Variants in SUPT3H observed in about 807,000 individuals in gnomAD.
SUPT3H encodes SPT3 homolog, SAGA and STAGA complex component, also known as transcription initiation protein SPT3 homolog.
A neutral mutation model predicts 44.3 loss-of-function variants in SUPT3H; 44 were observed. That is an observed-to-expected ratio of 0.99 (90% CI 0.78 to 1.28). The LOEUF (loss-of-function observed/expected upper bound fraction) is 1.28. SUPT3H is among the 50% of genes most tolerant of loss of function. SUPT3H has a pLI of 0.00. For missense variants in SUPT3H, 380 were observed against 387.1 expected (o/e 0.98, Z 0.15); for synonymous variants, 124 against 125.6 (o/e 0.99, Z 0.09).
At chr6:44,968,900 A>G (rs1777157958) in intron 6 of SUPT3H, among the ~76,000 whole-genome samples, 1 of 152,134 alleles carries the variant, frequency 6.6e-6, no homozygotes, top group African/African-American at 2.4e-5. Flanking sequence ...CATTGTTCTC[A>G]CTAAAACCAA....
intron 5 of SUPT3H, among the ~76,000 whole-genome samples, chr6:45,007,173 T>C (rs1782831831): frequency 6.6e-6 from 1 of 152,152 alleles, no homozygotes; most frequent in South Asian, 2.1e-4. Context: ...TATAATGTGA[T>C]TCATTTAATA....
intron 2 of SUPT3H, among the ~76,000 whole-genome samples, chr6:45,131,745 T>C (rs1436972087): frequency 6.6e-6 from 1 of 152,196 alleles, no homozygotes; most frequent in Non-Finnish European, 1.5e-5. Context: ...AAAATAAATA[T>C]TATTCCCAAA....
At chr6:45,093,713 T>C (rs549845674) in intron 3 of SUPT3H, among the ~76,000 whole-genome samples, 7 of 152,270 alleles carry the variant, frequency 4.6e-5, no homozygotes, top group South Asian at 4.1e-4. Flanking sequence ...TTCACAGATA[T>C]GTTTATTCTT....
chr6:45,314,779 A>G (rs1784452744), intron 2 of SUPT3H, among the ~76,000 whole-genome samples: 1 of 152,176 alleles, frequency 6.6e-6, no homozygotes, highest in Non-Finnish European at 1.5e-5. Flanking sequence ...CACAGTTAGA[A>G]AAAACAATTC....
chr6:45,009,191 A>G (rs1031173763), intron 5 of SUPT3H, among the ~76,000 whole-genome samples: 21 of 152,278 alleles, frequency 1.4e-4, no homozygotes, highest in Admixed American at 1.2e-3. Context: ...TATCAGATAT[A>G]TAAGAAAAAT....
chr6:45,290,713 G>A (rs1421686773), intron 2 of SUPT3H, among the ~76,000 whole-genome samples: 2 of 152,106 alleles, frequency 1.3e-5, no homozygotes, highest in African/African-American at 2.4e-5. Flanking sequence ...ATCCAATTCC[G>A]AATTATTTCT....
chr6:44,937,046 C>T (rs1771554907), intron 9 of SUPT3H, among the ~76,000 whole-genome samples: 1 of 152,064 alleles, frequency 6.6e-6, no homozygotes, highest in Non-Finnish European at 1.5e-5. Flanking sequence ...TTGATGGAAA[C>T]TTAGGTTGAC....
At chr6:45,105,535 C>A (rs1254146664) in intron 3 of SUPT3H, among the ~76,000 whole-genome samples, 1 of 152,024 alleles carries the variant, frequency 6.6e-6, no homozygotes, top group African/African-American at 2.4e-5. Context: ...TGTCAAATGG[C>A]ATGTCTAAAA....
intron 2 of SUPT3H, among the ~76,000 whole-genome samples, chr6:45,133,875 CT>C (rs1420106414): frequency 6.6e-6 from 1 of 152,142 alleles, no homozygotes; most frequent in African/African-American, 2.4e-5. Flanking sequence ...AGTAGTGAGC[CT>C]TCTTTTGGCA....
intron 2 of SUPT3H, among the ~76,000 whole-genome samples, chr6:45,304,764 G>A (rs1183171563): frequency 6.6e-6 from 1 of 151,988 alleles, no homozygotes; most frequent in Non-Finnish European, 1.5e-5. Flanking sequence ...TAATGGGTAA[G>A]AATGCCAAAA....
chr6:45,118,867 T>C (rs1192407482), intron 2 of SUPT3H, among the ~76,000 whole-genome samples: 2 of 152,194 alleles, frequency 1.3e-5, no homozygotes, highest in Non-Finnish European at 2.9e-5. Context: ...TGGGATATTA[T>C]TAGCAGCAGA....
intron 6 of SUPT3H, among the ~76,000 whole-genome samples, chr6:44,966,501 A>T (rs2153480118): frequency 6.6e-6 from 1 of 151,936 alleles, no homozygotes. Flanking sequence ...TCATTTTACA[A>T]ATGAAGACAC....
intron 10 of SUPT3H, among the ~76,000 whole-genome samples, chr6:44,857,406 T>C (rs1376164684): frequency 6.6e-6 from 1 of 152,326 alleles, no homozygotes; most frequent in East Asian, 1.9e-4. Context: ...ATCTGACTGC[T>C]ACAATCGTTT....
rs182909462 is a variant in SUPT3H, at chr6:44,944,604, A to T, written c.801+8706T>A. On this transcript the variant is annotated intron_variant, in intron 9 of 10. Transcript: ENST00000371459. ...TGAAACCCTGTCTCTACAAAAAAAAATACAATAATTAGCTAGGCGTAGTGG... is the reference window on the plus strand; with the variant it reads ...TGAAACCCTGTCTCTACAAAAAAAATTACAATAATTAGCTAGGCGTAGTGG... Among the ~76,000 whole-genome samples the T allele has an allele frequency of 4.9e-4, 75 of 151,568 alleles. 1 individual carries two copies. The highest frequency in any genetic ancestry group is 1.8e-3 in the African/African-American group (74 of 41,352).
chr6:45,151,064 G>C (rs1231304672), intron 2 of SUPT3H, among the ~76,000 whole-genome samples: 1 of 151,826 alleles, frequency 6.6e-6, no homozygotes, highest in East Asian at 1.9e-4. Flanking sequence ...GAAATAACCA[G>C]AAAACAAAAA....
chr6:44,990,824 T>C (rs1430330063), intron 6 of SUPT3H, among the ~76,000 whole-genome samples: 1 of 152,116 alleles, frequency 6.6e-6, no homozygotes, highest in African/African-American at 2.4e-5. Flanking sequence ...TGGCAAAGTC[T>C]TATTTTAAAT....
At chr6:45,015,792 C>CGT (rs1491079231) in intron 4 of SUPT3H, among the ~76,000 whole-genome samples, 2 of 123,194 alleles carry the variant, frequency 1.6e-5, no homozygotes, top group African/African-American at 2.7e-5. Flanking sequence ...TGCACACACG[C>CGT]GCGCGCACAC....
intron 3 of SUPT3H, among the ~76,000 whole-genome samples, chr6:45,025,877 C>T (rs9472424): frequency 0.17 from 17,438 of 103,662 alleles, 1,229 homozygotes; most frequent in African/African-American, 0.3. Context: ...AGCGAGACTC[C>T]GTCTCAAAAA....
chr6:45,021,618 T>A (rs1469543303), intron 3 of SUPT3H, among the ~76,000 whole-genome samples: 1 of 152,030 alleles, frequency 6.6e-6, no homozygotes, highest in East Asian at 1.9e-4. Context: ...CCTGAATGCA[T>A]CCTTCTTTTA....
Sources: gnomAD v4.1 joint callset for allele counts (sites outside exome capture counted in the v4.1 genomes callset) on GRCh38, gnomAD v4.1.1 for gene constraint, MANE v1.5 for transcripts, NCBI Gene and HGNC (gene_info 2026-07-23, HGNC 2026-07-21) for gene names.